GRK6: variants seen among roughly 807,000 people sequenced by gnomAD.
GRK6 encodes G protein-coupled receptor kinase 6.
A neutral mutation model predicts 80.8 loss-of-function variants in GRK6; 37 were observed. The ratio of observed to expected loss-of-function variants is 0.46; its 90% CI spans 0.35 to 0.60. The LOEUF (loss-of-function observed/expected upper bound fraction) is 0.60. Ranked by LOEUF, GRK6 falls within the 20% of genes least tolerant of loss-of-function variation. GRK6 has a pLI of 0.00. For synonymous variants in GRK6, 295 were observed against 320.9 expected (o/e 0.92, Z 0.86); for missense variants, 560 against 784.6 (o/e 0.71, Z 3.42).
At chr5:177,438,602 C>G (rs1764289815) in intron 13 of GRK6, 2 of 152,240 alleles carry the variant, frequency 1.3e-5, no homozygotes, top group South Asian at 4.1e-4. Context: ...CGCGAGGACA[C>G]CTGTGTGGCT....
chr5:177,430,505 C>G (rs759647318), intron 1 of GRK6, among the ~76,000 whole-genome samples: 1 of 152,246 alleles, frequency 6.6e-6, no homozygotes, highest in African/African-American at 2.4e-5. Flanking sequence ...TAGAATCTCT[C>G]CCTCCCGGGC....
rs113473593 is a variant in GRK6, at chr5:177,430,562, C to T, written c.53-310C>T. 56 of 376,748 alleles carry T rather than the reference C, an allele frequency of 1.5e-4. 3 individuals are homozygous for T. Among genetic ancestry groups the T allele is most frequent in the African/African-American group, 8.4e-4 (41 of 48,606 alleles). The allele number at this position is 376,748 out of a possible 1,614,324, so 23.3% of individuals were successfully genotyped here. On this transcript the variant is annotated intron_variant, in intron 1 of 15. Coordinates refer to ENST00000355472, the MANE Select transcript of GRK6 (RefSeq NM_001004106.3). ...TGACGTCCTTCTCCCCTTTCTTCAC[C>T]GGGGGAACTCCTACCTGGCGGGAAG...
Position 177,437,888 on chromosome 5 carries a change from G to A in GRK6, c.1404+1358G>A, listed in dbSNP as rs1452049785. Among the ~76,000 whole-genome samples the A allele has an allele frequency of 8.5e-5, 13 of 152,186 alleles. 1 individual carries two copies. Among genetic ancestry groups the A allele is most frequent in the Admixed American group, 5.2e-4 (8 of 15,286 alleles). The stretch of plus-strand genomic sequence containing the variant: ...CCGAAGGATGGGCAGGGCAGGCCAG[G>A]TTGATAGCTGTCAATGACACACACG... On this transcript the variant is annotated intron_variant, in intron 13 of 15. Transcript: ENST00000355472.
intron 9 of GRK6, 116 bp downstream of exon 9, chr5:177,434,220 T>C: frequency 9.3e-7 from 1 of 1,069,530 alleles, no homozygotes; most frequent in Non-Finnish European, 1.3e-6. Context: ...AGGACATTGG[T>C]TTGGGGGCTG....
upstream of GRK6, among the ~76,000 whole-genome samples, chr5:177,426,040 G>A (rs1054951446): frequency 2.6e-5 from 4 of 152,244 alleles, no homozygotes; most frequent in Non-Finnish European, 1.5e-5. Flanking sequence ...GGGGCTGGGC[G>A]GGGCGCCTGC....
chr5:177,436,761 TC>T (rs1452404891), intron 13 of GRK6: 2 of 555,038 alleles, frequency 3.6e-6, no homozygotes, highest in Admixed American at 3.6e-5. Context: ...GAACTCTCTC[TC>T]CTTCCCCTCA....
intron 13 of GRK6, among the ~76,000 whole-genome samples, chr5:177,437,314 C>T (rs1181462089): frequency 1.3e-5 from 2 of 152,172 alleles, no homozygotes; most frequent in African/African-American, 2.4e-5. Flanking sequence ...AGCTGATGCC[C>T]ATTGCCTCTC....
At chr5:177,440,659 T>G in intron 13 of GRK6, 41 bp from the exon 14 acceptor site, 1 of 1,606,002 alleles carries the variant, frequency 6.2e-7, no homozygotes, top group Non-Finnish European at 8.5e-7. Context: ...CGCGTGTGCG[T>G]GTGTGTGTTT....
chr5:177,431,368 A>T (rs899669599), intron 2 of GRK6, among the ~76,000 whole-genome samples: 1 of 152,182 alleles, frequency 6.6e-6, no homozygotes, highest in African/African-American at 2.4e-5. Flanking sequence ...AGGGGTGCCC[A>T]GCAAATCCTT....
intron 12 of GRK6, 53 bp downstream of exon 12, chr5:177,436,334 T>TGGCCA: frequency 1.3e-6 from 2 of 1,556,018 alleles, no homozygotes; most frequent in African/African-American, 1.4e-5. Flanking sequence ...GATGCACCTT[T>TGGCCA]CCCTCCCTCC....
At chr5:177,434,715 C>A (rs958391501) in intron 9 of GRK6, among the ~76,000 whole-genome samples, 187 bp from the exon 10 acceptor site, 1 of 152,342 alleles carries the variant, frequency 6.6e-6, no homozygotes, top group East Asian at 1.9e-4. Context: ...GCTCTAGATC[C>A]TTCCTCTGCT....
intron 2 of GRK6, 66 bp from the exon 3 acceptor site, chr5:177,431,929 G>A (rs1258999852): frequency 7.1e-7 from 1 of 1,408,992 alleles, no homozygotes; most frequent in South Asian, 1.1e-5. Context: ...GCCTGGTGGT[G>A]TGGGCACATG....
At chr5:177,434,214 C>G in intron 9 of GRK6, 110 bp downstream of exon 9, 1 of 1,122,182 alleles carries the variant, frequency 8.9e-7, no homozygotes, top group Non-Finnish European at 1.2e-6. Context: ...TACAGAAGGA[C>G]ATTGGTTTGG....
chr5:177,431,932 G>A (rs1561653354), intron 2 of GRK6, 63 bp from the exon 3 acceptor site: 3 of 1,433,072 alleles, frequency 2.1e-6, no homozygotes, highest in Non-Finnish European at 2.9e-6. Flanking sequence ...TGGTGGTGTG[G>A]GCACATGCCC....
At chr5:177,437,833 T>TTAAC in intron 13 of GRK6, among the ~76,000 whole-genome samples, 1 of 152,328 alleles carries the variant, frequency 6.6e-6, no homozygotes, top group South Asian at 2.1e-4. Flanking sequence ...GGTCCTGTAA[T>TTAAC]TAACGGTTCA....
chr5:177,440,595 G>A, intron 13 of GRK6, 105 bp from the exon 14 acceptor site: 1 of 1,356,902 alleles, frequency 7.4e-7, no homozygotes, highest in Non-Finnish European at 1.0e-6. Flanking sequence ...AGAGCTGCTG[G>A]TGTCAGGCAG....
At chr5:177,438,142 C>T (rs1156801680) in intron 13 of GRK6, among the ~76,000 whole-genome samples, 7 of 152,036 alleles carry the variant, frequency 4.6e-5, no homozygotes, top group African/African-American at 7.2e-5. Flanking sequence ...CTGAGGCAGG[C>T]GGATCACCTG....
Position 177,433,704 on chromosome 5 carries a change from C to T in GRK6, c.738+28C>T, listed in dbSNP as rs1228687579. 3.1e-6 allele frequency: 5 copies of T among 1,610,936 alleles called. No homozygotes were observed. In the Admixed American group the frequency reaches 6.7e-5, roughly 22 times the overall value. ...AAGTACAGAAGGAGACTCTCCCTTC[C>T]CCTTGGCCACACTGGCGCACCGACC... On this transcript the variant is annotated intron_variant, in intron 8 of 15. Transcript: ENST00000355472.
rs771826446 is a variant in GRK6 at position 177,441,841 on chromosome 5, C to T, written c.*51C>T. On this transcript the variant is annotated 3_prime_UTR_variant, in exon 16 of 16. Transcript: ENST00000355472. ...AGTTGGCGGTAGCAGCTACTCCGAG[C>T]GCCGTTTACAGTTTTGCACAGTGAT... 26 of 1,558,294 alleles carry T rather than the reference C, an allele frequency of 1.7e-5. No individual in the cohort carries two copies. Among genetic ancestry groups the T allele is most frequent in the African/African-American group, 2.7e-5 (2 of 73,906 alleles).
Sources: allele counts gnomAD v4.1 joint callset (sites outside exome capture counted in the v4.1 genomes callset), GRCh38; gene constraint gnomAD v4.1.1; transcripts MANE v1.5; gene names NCBI Gene and HGNC (gene_info 2026-07-23, HGNC 2026-07-21).